The following PPARA variants were observed in gnomAD, a reference collection of about 807,000 sequenced individuals.
PPARA encodes peroxisome proliferator activated receptor alpha.
A neutral mutation model predicts 42.2 loss-of-function variants in PPARA; 22 were observed. The ratio of observed to expected loss-of-function variants is 0.52; its 90% CI spans 0.37 to 0.74. PPARA has a LOEUF of 0.74. Among genes scored for constraint, PPARA ranks in the 30% least tolerant of loss-of-function variants. The pLI, the probability that PPARA is intolerant of heterozygous loss-of-function variation, is 0.00. For missense variants in PPARA, 465 were observed against 608.2 expected, an observed-to-expected ratio of 0.76 and a Z score of 2.48; for synonymous variants, 242 against 239.3, an observed-to-expected ratio of 1.01 and a Z score of -0.10.
Position 46,219,576 on chromosome 22 carries a change from G to A in PPARA, c.509-236G>A, listed in dbSNP as rs1014445765. Among the ~76,000 whole-genome samples the A allele has an allele frequency of 6.6e-6, 1 of 152,112 alleles. No homozygotes were observed. Among genetic ancestry groups the A allele is most frequent in the Non-Finnish European group, 1.5e-5 (1 of 68,026 alleles). ...CGAACGATGGTGTCACCTTCAGCCTGCACCTGTTAACGATGGTGTCACCTT... is the reference window on the plus strand; with the variant it reads ...CGAACGATGGTGTCACCTTCAGCCTACACCTGTTAACGATGGTGTCACCTT... On this transcript the variant is annotated intron_variant, in intron 6 of 8. Coordinates refer to ENST00000407236, the MANE Select transcript of PPARA (RefSeq NM_005036.6). The surrounding 1 kb of genome is among the most constrained non-coding windows in gnomAD (Gnocchi z 4.8).
intron 4 of PPARA, among the ~76,000 whole-genome samples, chr22:46,205,535 TA>T (rs1569226015): frequency 0.012 from 413 of 33,712 alleles, 7 homozygotes; most frequent in African/African-American, 0.03. Context: ...TATATATATA[TA>T]TATATATATA....
chr22:46,208,994 G>C (rs1270475808), intron 4 of PPARA, among the ~76,000 whole-genome samples: 1 of 151,812 alleles, frequency 6.6e-6, no homozygotes, highest in Non-Finnish European at 1.5e-5. Context: ...TCCACATCAG[G>C]CTACTGTGTA....
rs992985514 is a variant in PPARA, at chr22:46,180,992, G to A, written c.-43+4156G>A. On this transcript the variant is annotated intron_variant, in intron 3 of 8. Coordinates refer to ENST00000407236, the MANE Select transcript of PPARA (RefSeq NM_005036.6). The surrounding 1 kb of genome is among the most constrained non-coding windows in gnomAD (Gnocchi z 4.2). ...GGAACCTATAAAGGGGTTGCAGGAC[G>A]GTTCCAGCAGGGGCTGGGGATGGTG... Among the ~76,000 whole-genome samples, 2 of 152,144 alleles carry A rather than the reference G, an allele frequency of 1.3e-5. No individual in the cohort carries two copies. The highest frequency in any genetic ancestry group is 4.1e-4 in the South Asian group (2 of 4,828).
At chr22:46,186,694 G>C (rs114026132) in intron 3 of PPARA, among the ~76,000 whole-genome samples, 2,568 of 152,172 alleles carry the variant, frequency 0.017, 59 homozygotes, top group African/African-American at 0.057. Flanking sequence ...GGCTAGGTGA[G>C]AGAGCGAGAC....
Position 46,190,909 on chromosome 22 carries a change from G to A in PPARA, c.-42-7433G>A, listed in dbSNP as rs1931449531. 6.6e-6 allele frequency among the ~76,000 whole-genome samples: 1 copy of A among 152,132 alleles called. No individual in the cohort carries two copies. The highest frequency in any genetic ancestry group is 2.4e-5 in the African/African-American group (1 of 41,420). The stretch of plus-strand genomic sequence containing the variant: ...TATTTCAGAAAATATTTACAAAGGG[G>A]GCTGGGCACAGTGGCTCATGCCTGT... On this transcript the variant is annotated intron_variant, in intron 3 of 8. Transcript: ENST00000407236. The surrounding 1 kb of genome is among the most constrained non-coding windows in gnomAD (Gnocchi z 5.6).
Position 46,234,913 on chromosome 22 carries a change from G to C in PPARA, c.1160-220G>C, listed in dbSNP as rs1211871080. Among the ~76,000 whole-genome samples, 1 of 152,158 alleles carries C rather than the reference G, an allele frequency of 6.6e-6. No individual in the cohort carries two copies. Among genetic ancestry groups the C allele is most frequent in the African/African-American group, 2.4e-5 (1 of 41,436 alleles). ...GGGCACTATTGCCGCCTAGTAGTAT[G>C]AATATTTAGGAAAGAGTACTGGTCC... On this transcript the variant is annotated intron_variant, in intron 8 of 8. Coordinates refer to ENST00000407236, the MANE Select transcript of PPARA (RefSeq NM_005036.6). The surrounding 1 kb of genome is among the most constrained non-coding windows in gnomAD (Gnocchi z 5.8).
At chr22:46,174,503 A>G (rs9627071) in intron 2 of PPARA, among the ~76,000 whole-genome samples, 7,227 of 152,150 alleles carry the variant, frequency 0.047, 624 homozygotes, top group African/African-American at 0.16. Context: ...AAACCTGAAG[A>G]ACAGATCACC....
intron 2 of PPARA, among the ~76,000 whole-genome samples, chr22:46,157,922 T>C (rs1306755361): frequency 7.8e-6 from 1 of 128,188 alleles, no homozygotes. Context: ...ACTTGCTTTA[T>C]ATTTTAACTT....
chr22:46,180,842 C>G lies in PPARA; in HGVS notation c.-43+4006C>G, dbSNP rs1430160648. On this transcript the variant is annotated intron_variant, in intron 3 of 8. Coordinates refer to ENST00000407236, the MANE Select transcript of PPARA (RefSeq NM_005036.6). This position sits in a 1 kb window ranked among gnomAD's most constrained non-coding sequence, Gnocchi z 4.2. ...TTGGAGATGGCAGATTTTCTGTCTC[C>G]CTTGCCTGTGGAACTGGAGCCCGGG... 6.6e-6 allele frequency among the ~76,000 whole-genome samples: 1 copy of G among 152,170 alleles called. No individual in the cohort carries two copies. The highest frequency in any genetic ancestry group is 1.5e-5 in the Non-Finnish European group (1 of 68,038).
rs570741692 is a variant in PPARA, at chr22:46,224,837, C to T, written c.711+4823C>T. ...GATAGATTTTAATTTCAAAGCAGCC[C>T]TCTGGTTTGCTATAAGCGGGGGACT... On this transcript the variant is annotated intron_variant, in intron 7 of 8. Transcript: ENST00000407236. This position sits in a 1 kb window ranked among gnomAD's most constrained non-coding sequence, Gnocchi z 5.7. Among the ~76,000 whole-genome samples the T allele has an allele frequency of 9.2e-5, 14 of 152,262 alleles. No homozygotes were observed. The highest frequency in any genetic ancestry group is 3.4e-4 in the African/African-American group (14 of 41,540).
intron 4 of PPARA, 112 bp downstream of exon 4, chr22:46,198,703 C>T: frequency 1.8e-6 from 2 of 1,129,618 alleles, no homozygotes; most frequent in Non-Finnish European, 2.5e-6. Flanking sequence ...CTCTGTCGCC[C>T]AGGCTGGAGT....
rs1418941937 is a variant in PPARA, at chr22:46,225,234, G to C, written c.711+5220G>C. Among the ~76,000 whole-genome samples the C allele has an allele frequency of 1.3e-5, 2 of 152,172 alleles. No homozygotes were observed. The highest frequency in any genetic ancestry group is 4.8e-5 in the African/African-American group (2 of 41,428). ...CCTGAGATTTCAGAACCGTGGGCCA[G>C]AAAATGGTCAGGGCCCTTGGTGATG... On this transcript the variant is annotated intron_variant, in intron 7 of 8. Coordinates refer to ENST00000407236, the MANE Select transcript of PPARA (RefSeq NM_005036.6). This position sits in a 1 kb window ranked among gnomAD's most constrained non-coding sequence, Gnocchi z 4.1.
At chr22:46,157,256 A>G (rs1410008790) in intron 2 of PPARA, among the ~76,000 whole-genome samples, 3 of 152,186 alleles carry the variant, frequency 2.0e-5, no homozygotes, top group African/African-American at 7.2e-5. Context: ...ATTCAAGAAG[A>G]ATGTATTGAT....
At chr22:46,172,217 G>A (rs1928168295) in intron 2 of PPARA, among the ~76,000 whole-genome samples, 1 of 151,892 alleles carries the variant, frequency 6.6e-6, no homozygotes, top group South Asian at 2.1e-4. Context: ...TTAGAAAAGG[G>A]AGAGGGAAGA....
chr22:46,163,120 C>G lies in PPARA; in HGVS notation c.-127+11150C>G, dbSNP rs9306500. Reference sequence around the variant, plus strand: ...AGCGGGGACAGAGGGTCACGGAGGTCGCAGGGGCGTGTGTGCAGCACCTGC... The same window carrying G: ...AGCGGGGACAGAGGGTCACGGAGGTGGCAGGGGCGTGTGTGCAGCACCTGC... On this transcript the variant is annotated intron_variant, in intron 2 of 8. Coordinates refer to ENST00000407236, the MANE Select transcript of PPARA (RefSeq NM_005036.6). This position sits in a 1 kb window ranked among gnomAD's most constrained non-coding sequence, Gnocchi z 4.9. Among the ~76,000 whole-genome samples the G allele has an allele frequency of 0.013, 2,003 of 152,178 alleles. 50 individuals carry two copies. Among genetic ancestry groups the G allele is most frequent in the African/African-American group, 0.045 (1,862 of 41,516 alleles).
At position 46,175,573 on chromosome 22, in the gene PPARA, G is replaced by A. The variant is rs551462891; in HGVS notation, c.-126-1180G>A. 1.9e-3 allele frequency among the ~76,000 whole-genome samples: 296 copies of A among 152,236 alleles called. 1 individual carries two copies. The highest frequency in any genetic ancestry group is 3.9e-3 in the Non-Finnish European group (267 of 68,026). ...CTAAAAAATACAAAAAATTAGCCAA[G>A]CGTGGTGGCGGGCGCCTGTAGTCCC... On this transcript the variant is annotated intron_variant, in intron 2 of 8. Coordinates refer to ENST00000407236, the MANE Select transcript of PPARA (RefSeq NM_005036.6).
At chr22:46,186,636 A>G (rs1248713166) in intron 3 of PPARA, among the ~76,000 whole-genome samples, 2 of 152,128 alleles carry the variant, frequency 1.3e-5, no homozygotes, top group African/African-American at 4.8e-5. Context: ...ACGCCTGAAC[A>G]CAGGAGGCGG....
chr22:46,203,253 T>A lies in PPARA; in HGVS notation c.208+4662T>A, dbSNP rs191853973. Among the ~76,000 whole-genome samples the A allele has an allele frequency of 6.7e-4, 102 of 152,342 alleles. No homozygotes were observed. The highest frequency in any genetic ancestry group is 2.4e-3 in the African/African-American group (98 of 41,588). On this transcript the variant is annotated intron_variant, in intron 4 of 8. Transcript: ENST00000407236. This position sits in a 1 kb window ranked among gnomAD's most constrained non-coding sequence, Gnocchi z 5.8. Reference sequence around the variant, plus strand: ...TTAGATCGTTCATATTTGTACCTAATCTGATCTTTTGGGTAATATTCCTAG... The same window carrying A: ...TTAGATCGTTCATATTTGTACCTAAACTGATCTTTTGGGTAATATTCCTAG...
At position 46,204,851 on chromosome 22, in the gene PPARA, A is replaced by AG. The variant is rs1188208532; in HGVS notation, c.208+6260_208+6261insG. Among the ~76,000 whole-genome samples the AG allele has an allele frequency of 1.4e-5, 2 of 146,776 alleles. No homozygotes were observed. Among genetic ancestry groups the AG allele is most frequent in the African/African-American group, 5.4e-5 (2 of 36,796 alleles). ...TGATAGTATCTTAAAAAAAAAAAAG[A>AG]AAAAAGATTGTTTTGTTTGTTTTGT... On this transcript the variant is annotated intron_variant, in intron 4 of 8. Coordinates refer to ENST00000407236, the MANE Select transcript of PPARA (RefSeq NM_005036.6). This position sits in a 1 kb window ranked among gnomAD's most constrained non-coding sequence, Gnocchi z 5.2.
Sources: allele counts gnomAD v4.1 joint callset (sites outside exome capture counted in the v4.1 genomes callset), GRCh38; gene constraint gnomAD v4.1.1; non-coding constraint Gnocchi (gnomAD v3.1); transcripts MANE v1.5; gene names NCBI Gene and HGNC (gene_info 2026-07-23, HGNC 2026-07-21).